RBM33: variants seen among roughly 807,000 people sequenced by gnomAD.
RBM33 encodes the protein RNA binding motif protein 33.
A neutral mutation model predicts 132.6 loss-of-function variants in RBM33; 28 were observed. The observed-to-expected ratio is 0.21, with a 90% CI of 0.16 to 0.29. The LOEUF is 0.29. Among genes scored for constraint, RBM33 ranks in the 10% least tolerant of loss-of-function variants. The probability of loss-of-function intolerance (pLI) is 1.00; values close to 1 mark genes in which losing one functional copy is unlikely to be tolerated. For synonymous variants in RBM33, 634 were observed against 593.0 expected (o/e 1.07, Z -1.01); for missense variants, 1,291 against 1,518.5 (o/e 0.85, Z 2.49).
chr7:155,672,143 C>T (rs189875656), intron 2 of RBM33, among the ~76,000 whole-genome samples: 107 of 151,452 alleles, frequency 7.1e-4, no homozygotes, highest in Admixed American at 4.0e-3. Flanking sequence ...GAATGTCAAA[C>T]GGTCTCTAGT....
intron 14 of RBM33, among the ~76,000 whole-genome samples, chr7:155,761,657 A>C (rs571456412): frequency 6.6e-6 from 1 of 151,980 alleles, no homozygotes; most frequent in South Asian, 2.1e-4. Flanking sequence ...TTGGTAATTC[A>C]TCTTCTTTCC....
At chr7:155,675,723 G>A (rs1799166142) in intron 3 of RBM33, among the ~76,000 whole-genome samples, 1 of 152,108 alleles carries the variant, frequency 6.6e-6, no homozygotes, top group Admixed American at 6.5e-5. Context: ...ATGCTTTTGG[G>A]ATTTTTTTCT....
Position 155,739,943 on chromosome 7 carries a change from C to A in RBM33, c.1966C>A (p.Gln656Lys). ...PPPLMPMSQP[Q>K]FRPHVQTAQP... ...TCCTTTGATGCCGATGTCTCAGCCA[C>A]AGTTCCGGCCTCACGTACAGACCGC... The change falls in exon 12 of 18, where the codon CAG becomes AAG. Residue 656 changes from glutamine (Q) to lysine (K), a missense_variant. Physicochemically the swap from Gln to Lys is moderately conservative, Grantham distance 53. Around this residue, in one of 7 missense-constraint regions of RBM33, gnomAD observed 841 missense variants for 912.0 expected, o/e 0.92. Coordinates refer to ENST00000401878, the MANE Select transcript of RBM33 (RefSeq NM_053043.3). The A allele has an allele frequency of 1.3e-6, 2 of 1,554,620 alleles. No homozygotes were observed. Among genetic ancestry groups the A allele is most frequent in the Non-Finnish European group, 1.7e-6 (2 of 1,148,644 alleles).
intron 1 of RBM33, among the ~76,000 whole-genome samples, chr7:155,646,887 A>G (rs561997610): frequency 1.8e-4 from 28 of 152,380 alleles, no homozygotes; most frequent in African/African-American, 6.5e-4. Context: ...CATGTGTTCA[A>G]CAAACATTTG....
At chr7:155,653,624 T>C (rs1798415569) in intron 1 of RBM33, among the ~76,000 whole-genome samples, 1 of 152,148 alleles carries the variant, frequency 6.6e-6, no homozygotes, top group Admixed American at 6.5e-5. Flanking sequence ...AGTCAGTGAT[T>C]TAATCATCAG....
chr7:155,673,788 A>ACACACACACACACACACACACC (rs1799071257), intron 3 of RBM33, among the ~76,000 whole-genome samples: 1 of 148,900 alleles, frequency 6.7e-6, no homozygotes, highest in Non-Finnish European at 1.5e-5. Flanking sequence ...ACACACACAC[A>ACACACACACACACACACACACC]CACACACACA....
Position 155,644,707 on chromosome 7 carries a change from T to G in RBM33, c.-170T>G. 1 of 489,344 alleles carries G rather than the reference T, an allele frequency of 2.0e-6. No individual in the cohort carries two copies. The allele number at this position is 489,344 out of a possible 1,614,324, so 30.3% of individuals were successfully genotyped here. On this transcript the variant is annotated 5_prime_UTR_variant, in exon 1 of 18. Transcript: ENST00000401878. The stretch of plus-strand genomic sequence containing the variant: ...TTGCGGTAGTTTGTTGTTTTCTTCC[T>G]GCGGAGGCGAAGGGCCAGCTGTGGA...
chr7:155,674,830 C>T (rs1021051346), intron 3 of RBM33, among the ~76,000 whole-genome samples: 4 of 152,152 alleles, frequency 2.6e-5, no homozygotes, highest in Non-Finnish European at 5.9e-5. Flanking sequence ...TACTTTGGAA[C>T]AGGAGATGTG....
At position 155,741,789 on chromosome 7, in the gene RBM33, C is replaced by G. The variant is rs371775016; in HGVS notation, c.2050-30C>G. The G allele has an allele frequency of 4.4e-6, 7 of 1,582,682 alleles. No homozygotes were observed. In the Admixed American group the frequency reaches 8.8e-5, roughly 20 times the overall value. On this transcript the variant is annotated intron_variant, in intron 12 of 17. Coordinates refer to ENST00000401878, the MANE Select transcript of RBM33 (RefSeq NM_053043.3). ...GTTCCTTCTGCCAAGTTTCCACTTA[C>G]AATTAGAATCTCTTTCTTTTTGTGA... is the stretch of plus-strand genomic sequence containing the variant.
intron 1 of RBM33, among the ~76,000 whole-genome samples, chr7:155,650,119 A>G (rs1343721686): frequency 3.3e-5 from 5 of 152,196 alleles, no homozygotes; most frequent in Admixed American, 3.3e-4. Flanking sequence ...CCCTTGCCCC[A>G]GGTGACCCTG....
At chr7:155,698,514 A>G (rs6459892) in intron 5 of RBM33, among the ~76,000 whole-genome samples, 97,943 of 152,082 alleles carry the variant, frequency 0.64, 32,458 homozygotes, top group South Asian at 0.77. Flanking sequence ...GATGTTGTCA[A>G]ATGGGCTGCA....
chr7:155,674,805 T>C (rs569820875), intron 3 of RBM33, among the ~76,000 whole-genome samples: 1 of 152,302 alleles, frequency 6.6e-6, no homozygotes, highest in East Asian at 1.9e-4. Context: ...GCTTTGGACA[T>C]TTTGGAAGTG....
intron 7 of RBM33, 53 bp from the exon 8 acceptor site, chr7:155,711,149 TG>T: frequency 9.7e-6 from 14 of 1,444,280 alleles, no homozygotes; most frequent in Non-Finnish European, 1.2e-5. Context: ...GGTGAACTTT[TG>T]TTTTTTTTTT....
chr7:155,645,374 C>T (rs758687754), intron 1 of RBM33, among the ~76,000 whole-genome samples: 3 of 152,042 alleles, frequency 2.0e-5, no homozygotes, highest in Non-Finnish European at 4.4e-5. Context: ...AAAAACATAA[C>T]GAAAAGATTC....
intron 1 of RBM33, among the ~76,000 whole-genome samples, chr7:155,654,227 T>C (rs544380955): frequency 1.3e-5 from 2 of 152,320 alleles, no homozygotes; most frequent in South Asian, 2.1e-4. Flanking sequence ...TCTATTCAGT[T>C]AGTCAACATG....
chr7:155,660,830 T>G (rs1411407223), intron 1 of RBM33, among the ~76,000 whole-genome samples: 1 of 152,134 alleles, frequency 6.6e-6, no homozygotes, highest in Non-Finnish European at 1.5e-5. Flanking sequence ...ATTTTTTCCT[T>G]CTCCTGTCTG....
At chr7:155,722,453 T>C (rs1393944632) in intron 9 of RBM33, among the ~76,000 whole-genome samples, 6 of 152,248 alleles carry the variant, frequency 3.9e-5, no homozygotes, top group Non-Finnish European at 8.8e-5. Flanking sequence ...TTCTACACTT[T>C]AAATTCTGTT....
At chr7:155,673,705 C>T (rs1799051329) in intron 3 of RBM33, among the ~76,000 whole-genome samples, 1 of 143,068 alleles carries the variant, frequency 7.0e-6, no homozygotes, top group Non-Finnish European at 1.5e-5. Context: ...TATATACATA[C>T]ACACGTGTAT....
chr7:155,665,056 C>A, intron 1 of RBM33, 119 bp from the exon 2 acceptor site: 2 of 715,786 alleles, frequency 2.8e-6, no homozygotes, highest in Non-Finnish European at 2.4e-6. Flanking sequence ...ACATATGAAA[C>A]TTTTGTAATT....
Sources: gnomAD v4.1 joint callset for allele counts (sites outside exome capture counted in the v4.1 genomes callset) on GRCh38, gnomAD v4.1.1 for gene constraint, gnomAD v4.1.1 regional missense constraint, MANE v1.5 for transcripts, NCBI Gene and HGNC (gene_info 2026-07-23, HGNC 2026-07-21) for gene names.